PDZD2: variants seen among roughly 807,000 people sequenced by gnomAD.
PDZD2 encodes PDZ domain-containing protein 2.
PDZD2 carries 90 observed loss-of-function variants against 220.7 expected under a neutral mutation model. The ratio of observed to expected loss-of-function variants is 0.41; its 90% CI spans 0.34 to 0.49. PDZD2 has a LOEUF of 0.49. PDZD2 is among the 20% of genes least tolerant of loss of function. The probability of loss-of-function intolerance (pLI) is 0.28; values close to 1 mark genes in which losing one functional copy is unlikely to be tolerated. For synonymous variants in PDZD2, 1,375 were observed against 1,450.5 expected, an observed-to-expected ratio of 0.95 and a Z score of 1.18; for missense variants, 3,174 against 3,608.5, an observed-to-expected ratio of 0.88 and a Z score of 3.08.
chr5:32,021,763 G>A (rs1351003061), intron 6 of PDZD2, among the ~76,000 whole-genome samples: 1 of 152,080 alleles, frequency 6.6e-6, no homozygotes, highest in Non-Finnish European at 1.5e-5. Context: ...GCTTTTGTTT[G>A]GATATTCAAA....
intron 1 of PDZD2, among the ~76,000 whole-genome samples, chr5:31,682,367 C>T (rs1183715701): frequency 1.3e-5 from 2 of 152,264 alleles, no homozygotes; most frequent in South Asian, 2.1e-4. Flanking sequence ...GGGAGAATGT[C>T]GGTGCCTTAG....
intron 1 of PDZD2, among the ~76,000 whole-genome samples, chr5:31,790,378 G>T (rs1443020111): frequency 2.0e-5 from 3 of 151,752 alleles, no homozygotes; most frequent in Admixed American, 6.6e-5. Context: ...GATTACAGGC[G>T]TGAGCCACCG....
In PDZD2 at chr5:31,799,530, G is replaced by A. The variant is rs1329784961; in HGVS notation, c.282G>A (p.Gly94=). The part of the protein sequence containing the change: ...GLSFGNIPVF[G]DYGEKRRGGK... The stretch of plus-strand genomic sequence containing the variant: ...GTTTTGGGAACATCCCTGTTTTCGG[G>A]GACTATGGTGAAAAGCGCAGGGGGG... The change falls in exon 2 of 25, where the codon GGG becomes GGA. Residue 94 remains glycine (G), a synonymous_variant. Coordinates refer to ENST00000438447, the MANE Select transcript of PDZD2 (RefSeq NM_178140.4). 3.1e-6 allele frequency: 5 copies of A among 1,614,144 alleles called. 1 individual carries two copies. Among genetic ancestry groups the A allele is most frequent in the Middle Eastern group, 3.3e-4 (2 of 6,062 alleles).
At chr5:31,674,307 T>C (rs1342363238) in intron 1 of PDZD2, among the ~76,000 whole-genome samples, 1 of 152,226 alleles carries the variant, frequency 6.6e-6, no homozygotes, top group East Asian at 1.9e-4. Context: ...GAGTGACTAA[T>C]GAGTAAGCTA....
At chr5:31,847,898 C>T (rs1757681069) in intron 2 of PDZD2, 24 of 477,952 alleles carry the variant, frequency 5.0e-5, no homozygotes, top group South Asian at 4.0e-4. Context: ...CATGCGTTAC[C>T]TAATGGAAGA....
rs150284709 is a variant in PDZD2 at position 32,069,603 on chromosome 5, G to A, written c.2486G>A (p.Arg829His). The change falls in exon 15 of 25, where the codon CGC becomes CAC. Residue 829 changes from arginine to histidine, a missense_variant. By Grantham distance (29) the Arg-to-His change is conservative. Around this residue, in one of 4 missense-constraint regions of PDZD2, gnomAD observed 1,861 missense variants for 2,001.0 expected, o/e 0.93. Coordinates refer to ENST00000438447, the MANE Select transcript of PDZD2 (RefSeq NM_178140.4). ...SEQEMDEVIA[R>H]STYQESKEAN... ...CAGGAAATGGATGAAGTCATAGCAC[G>A]CAGCACTTATCAGGAGAGCAAAGAG... The A allele has an allele frequency of 4.1e-4, 662 of 1,601,098 alleles. No homozygotes were observed. Among genetic ancestry groups the A allele is most frequent in the Middle Eastern group, 1.8e-3 (11 of 6,042 alleles).
rs541107352 is a variant in PDZD2, at chr5:31,951,988, C to G, written c.477-31167C>G. ...TCTATTTTGAATACAGATCTTATTT[C>G]TCTCTCTCATTACACTTTGAAACAG... On this transcript the variant is annotated intron_variant, in intron 2 of 24. Transcript: ENST00000438447. Among the ~76,000 whole-genome samples, 3 of 152,176 alleles carry G rather than the reference C, an allele frequency of 2.0e-5. No individual in the cohort carries two copies. The South Asian group carries it at 6.2e-4, about 32-fold the overall frequency.
At chr5:31,808,518 GT>G (rs1754878603) in intron 2 of PDZD2, among the ~76,000 whole-genome samples, 1 of 152,124 alleles carries the variant, frequency 6.6e-6, no homozygotes, top group Non-Finnish European at 1.5e-5. Flanking sequence ...TTTCTGGAAG[GT>G]ATCCCAGGGT....
At chr5:31,901,278 C>T (rs1264541056) in intron 2 of PDZD2, among the ~76,000 whole-genome samples, 1 of 151,984 alleles carries the variant, frequency 6.6e-6, no homozygotes, top group African/African-American at 2.4e-5. Context: ...ATTAGCCAGG[C>T]GTGGTGGCAT....
rs375056527 is a variant in PDZD2, at chr5:31,646,861, T to C, written c.-361+7424T>C. ...ATTAGGCCGAAAGAAGGGACAGCTGTCTCCAGAAAATGTGCTCCGAGTGTC... is the reference window on the plus strand; with the variant it reads ...ATTAGGCCGAAAGAAGGGACAGCTGCCTCCAGAAAATGTGCTCCGAGTGTC... On this transcript the variant is annotated intron_variant, in intron 1 of 24. Coordinates refer to ENST00000438447, the MANE Select transcript of PDZD2 (RefSeq NM_178140.4). The surrounding 1 kb of genome is among the most constrained non-coding windows in gnomAD (Gnocchi z 4.7). 7.6e-4 allele frequency among the ~76,000 whole-genome samples: 115 copies of C among 152,218 alleles called. No individual in the cohort carries two copies. Among genetic ancestry groups the C allele is most frequent in the Middle Eastern group, 3.4e-3 (1 of 294 alleles).
intron 2 of PDZD2, among the ~76,000 whole-genome samples, chr5:31,854,368 A>C (rs1200614884): frequency 6.6e-6 from 1 of 152,180 alleles, no homozygotes; most frequent in Non-Finnish European, 1.5e-5. Context: ...GGGAGAAGGT[A>C]TAAAGGAAAT....
chr5:31,982,533 C>T (rs1275205615), intron 2 of PDZD2, among the ~76,000 whole-genome samples: 1 of 152,140 alleles, frequency 6.6e-6, no homozygotes, highest in South Asian at 2.1e-4. Flanking sequence ...GTCTCAAACC[C>T]CTGGACTCAA....
chr5:32,105,562 T>C (rs759022834), intron 24 of PDZD2, among the ~76,000 whole-genome samples: 5 of 152,108 alleles, frequency 3.3e-5, no homozygotes, highest in East Asian at 1.9e-4. Context: ...TAAATAGCAG[T>C]TGAAAAAATA....
In PDZD2 at chr5:32,074,403, G is replaced by A. The variant is rs2291113; in HGVS notation, c.3297G>A (p.Thr1099=). The A allele has an allele frequency of 0.073, 118,371 of 1,614,126 alleles. 5,168 individuals are homozygous for A. Among genetic ancestry groups the A allele is most frequent in the East Asian group, 0.23 (10,201 of 44,852 alleles). The change falls in exon 18 of 25, where the codon ACG becomes ACA. Residue 1099 remains threonine (T), a synonymous_variant. Coordinates refer to ENST00000438447, the MANE Select transcript of PDZD2 (RefSeq NM_178140.4). ...YTVRTDTQSP[T]NTGSPSSPQQ... ...TCCGTACAGACACCCAGAGTCCGAC[G>A]AACACTGGGAGCCCCAGTTCCCCCC...
rs116487245 is a variant in PDZD2 at position 31,756,442 on chromosome 5, G to A, written c.-360-42447G>A. On this transcript the variant is annotated intron_variant, in intron 1 of 24. Coordinates refer to ENST00000438447, the MANE Select transcript of PDZD2 (RefSeq NM_178140.4). ...TAATTAAATAAAAGGAAGGGATAGAGGAGCTTGGCAAGACCTCCTAGCAGC... is the reference window on the plus strand; with the variant it reads ...TAATTAAATAAAAGGAAGGGATAGAAGAGCTTGGCAAGACCTCCTAGCAGC... 6.0e-3 allele frequency among the ~76,000 whole-genome samples: 917 copies of A among 152,316 alleles called. 8 individuals are homozygous for A. Among genetic ancestry groups the A allele is most frequent in the African/African-American group, 0.019 (788 of 41,570 alleles).
intron 2 of PDZD2, among the ~76,000 whole-genome samples, chr5:31,850,227 T>TGTATATATGTATATATATA (rs1757961309): frequency 1.6e-4 from 8 of 50,214 alleles, no homozygotes; most frequent in African/African-American, 3.1e-4. Flanking sequence ...TATATATAAG[T>TGTATATATGTATATATATA]ATATATATAT....
chr5:31,684,530 A>G lies in PDZD2; in HGVS notation c.-361+45093A>G, dbSNP rs1012151097. Reference sequence around the variant, plus strand: ...GCATTTCCAGAATATTCTTGTTGGTATAGAACCCTCTGTCTACATAGTAGC... The same window carrying G: ...GCATTTCCAGAATATTCTTGTTGGTGTAGAACCCTCTGTCTACATAGTAGC... On this transcript the variant is annotated intron_variant, in intron 1 of 24. Transcript: ENST00000438447. 3.4e-4 allele frequency among the ~76,000 whole-genome samples: 51 copies of G among 151,702 alleles called. 1 individual carries two copies. Among genetic ancestry groups the G allele is most frequent in the Non-Finnish European group, 8.8e-5 (6 of 67,978 alleles).
intron 1 of PDZD2, among the ~76,000 whole-genome samples, chr5:31,714,646 C>T (rs1748329904): frequency 6.6e-6 from 1 of 152,102 alleles, no homozygotes; most frequent in Non-Finnish European, 1.5e-5. Context: ...GTGGATTTGG[C>T]AGAATTCCTT....
chr5:32,065,402 A>G lies in PDZD2; in HGVS notation c.2452-4167A>G, dbSNP rs536122734. ...ATTACATCCTAAATGTTCCCAGGCT[A>G]CTGTGCTTGATGGACTGGTACACCA... On this transcript the variant is annotated intron_variant, in intron 14 of 24. Transcript: ENST00000438447. Among the ~76,000 whole-genome samples, 5 of 146,840 alleles carry G rather than the reference A, an allele frequency of 3.4e-5. No individual in the cohort carries two copies. In the South Asian group the frequency reaches 1.0e-3, roughly 31 times the overall value.
Sources: allele counts gnomAD v4.1 joint callset (sites outside exome capture counted in the v4.1 genomes callset), GRCh38; gene constraint gnomAD v4.1.1; regional missense constraint gnomAD v4.1.1; non-coding constraint Gnocchi (gnomAD v3.1); transcripts MANE v1.5; gene names NCBI Gene and HGNC (gene_info 2026-07-23, HGNC 2026-07-21).